ASIC2: variants seen among roughly 807,000 people sequenced by gnomAD.
ASIC2 encodes acid sensing ion channel subunit 2.
ASIC2 carries 25 observed loss-of-function variants against 57.3 expected under a neutral mutation model. That is an observed-to-expected ratio of 0.44 (90% CI 0.32 to 0.61). The LOEUF is 0.61. ASIC2 is among the 20% of genes least tolerant of loss of function. ASIC2 has a pLI of 0.06. For synonymous variants in ASIC2, 319 were observed against 307.5 expected, an observed-to-expected ratio of 1.04 and a Z score of -0.39; for missense variants, 641 against 738.1, an observed-to-expected ratio of 0.87 and a Z score of 1.52.
intron 1 of ASIC2, among the ~76,000 whole-genome samples, chr17:34,089,821 G>T (rs1291842144): frequency 6.6e-6 from 1 of 152,154 alleles, no homozygotes; most frequent in African/African-American, 2.4e-5. Context: ...AACAGCTCCA[G>T]GGCGATGGTC....
intron 1 of ASIC2, among the ~76,000 whole-genome samples, chr17:33,275,450 C>T (rs1402583169): frequency 1.3e-5 from 2 of 152,230 alleles, no homozygotes; most frequent in East Asian, 3.8e-4. Context: ...AAAACGCCTA[C>T]AGGTATCAAT....
chr17:33,265,212 C>T (rs1909417624), intron 1 of ASIC2, among the ~76,000 whole-genome samples: 1 of 152,152 alleles, frequency 6.6e-6, no homozygotes, highest in Non-Finnish European at 1.5e-5. Flanking sequence ...ACCTTATCTG[C>T]CTCAAGATTT....
chr17:33,429,014 C>A (rs1024266887), intron 1 of ASIC2, among the ~76,000 whole-genome samples: 3 of 152,096 alleles, frequency 2.0e-5, no homozygotes, highest in Non-Finnish European at 4.4e-5. Context: ...GAAAGGGAGT[C>A]CTAGCAGATG....
chr17:33,491,669 G>C (rs922341921), intron 1 of ASIC2, among the ~76,000 whole-genome samples: 7 of 152,188 alleles, frequency 4.6e-5, no homozygotes, highest in Non-Finnish European at 1.0e-4. Context: ...CCCTGTGTTA[G>C]AAGCTGTTGG....
intron 1 of ASIC2, among the ~76,000 whole-genome samples, chr17:33,187,108 G>A (rs955740368): frequency 2.0e-5 from 3 of 152,126 alleles, no homozygotes; most frequent in East Asian, 1.9e-4. Context: ...GAATCCCGGC[G>A]AAACCATTAC....
At chr17:33,119,019 C>T (rs1285623368) in intron 1 of ASIC2, among the ~76,000 whole-genome samples, 2 of 152,058 alleles carry the variant, frequency 1.3e-5, no homozygotes, top group South Asian at 2.1e-4. Context: ...CATGAAGACA[C>T]GGTTTTCTGG....
At chr17:33,115,578 G>T (rs928226710) in intron 1 of ASIC2, among the ~76,000 whole-genome samples, 2 of 152,160 alleles carry the variant, frequency 1.3e-5, no homozygotes, top group Admixed American at 1.3e-4. Flanking sequence ...AGAATGTTCT[G>T]GCGCGCTTTG....
chr17:33,548,624 C>A (rs1465827841), intron 1 of ASIC2, among the ~76,000 whole-genome samples: 1 of 152,144 alleles, frequency 6.6e-6, no homozygotes, highest in Admixed American at 6.5e-5. Context: ...TGGGTAATTA[C>A]CATGCTTAAA....
chr17:33,841,986 G>A (rs370769534), intron 1 of ASIC2, among the ~76,000 whole-genome samples: 23 of 152,024 alleles, frequency 1.5e-4, no homozygotes, highest in African/African-American at 5.1e-4. Flanking sequence ...CCTTATGTAC[G>A]GTCCAGTGGC....
chr17:33,584,550 G>A lies in ASIC2; in HGVS notation c.556-472483C>T, dbSNP rs151328800. On this transcript the variant is annotated intron_variant, in intron 1 of 9. Coordinates refer to the ASIC2 transcript ENST00000359872. Reference sequence around the variant, plus strand: ...GCCCTGTCACCTCCATCAGGTTCAGGGGAGGGAGGTGGCATGTGACTTGGC... The same window carrying A: ...GCCCTGTCACCTCCATCAGGTTCAGAGGAGGGAGGTGGCATGTGACTTGGC... 4.0e-4 allele frequency among the ~76,000 whole-genome samples: 61 copies of A among 152,252 alleles called. 1 individual carries two copies. The highest frequency in any genetic ancestry group is 1.3e-3 in the African/African-American group (53 of 41,554).
chr17:33,137,182 C>T (rs777236732), intron 1 of ASIC2, among the ~76,000 whole-genome samples: 1 of 152,202 alleles, frequency 6.6e-6, no homozygotes, highest in Non-Finnish European at 1.5e-5. Context: ...AGTATTGTCC[C>T]CAAAATACTA....
upstream of ASIC2, among the ~76,000 whole-genome samples, chr17:33,297,822 CAAAA>C (rs1434907199): frequency 4.7e-5 from 5 of 107,026 alleles, no homozygotes; most frequent in Admixed American, 2.2e-4. Flanking sequence ...GACCCTGTCT[CAAAA>C]TAAATAAATA....
At chr17:33,372,458 G>T (rs1297651724) in intron 1 of ASIC2, among the ~76,000 whole-genome samples, 2 of 152,176 alleles carry the variant, frequency 1.3e-5, no homozygotes, top group African/African-American at 4.8e-5. Flanking sequence ...GTAAGAAAGG[G>T]TTTAGGGGCA....
chr17:33,704,553 C>T (rs541587481), intron 1 of ASIC2, among the ~76,000 whole-genome samples: 1 of 152,316 alleles, frequency 6.6e-6, no homozygotes, highest in South Asian at 2.1e-4. Context: ...CAATAAATTA[C>T]TCTATGTCGC....
At chr17:34,128,786 T>C (rs1911863862) in intron 1 of ASIC2, among the ~76,000 whole-genome samples, 1 of 152,146 alleles carries the variant, frequency 6.6e-6, no homozygotes, top group Non-Finnish European at 1.5e-5. Context: ...GGAGGAAGAA[T>C]GAGGTTGTGT....
intron 1 of ASIC2, among the ~76,000 whole-genome samples, chr17:33,558,924 C>T (rs1285500238): frequency 5.3e-5 from 8 of 152,222 alleles, no homozygotes; most frequent in South Asian, 2.1e-4. Flanking sequence ...TGCACCACCA[C>T]GCCCGATTAA....
At chr17:33,627,802 C>T (rs533889182) in intron 1 of ASIC2, among the ~76,000 whole-genome samples, 9 of 152,274 alleles carry the variant, frequency 5.9e-5, no homozygotes, top group Admixed American at 3.3e-4. Context: ...CAGCCTCAGC[C>T]GCTGAGCTGG....
intron 1 of ASIC2, among the ~76,000 whole-genome samples, chr17:33,722,345 T>A (rs999360447): frequency 1.3e-5 from 2 of 152,242 alleles, no homozygotes; most frequent in Non-Finnish European, 2.9e-5. Context: ...ACCTCTTTCC[T>A]TTATAAATTA....
chr17:33,601,831 A>G (rs773644619), intron 1 of ASIC2, among the ~76,000 whole-genome samples: 3 of 152,228 alleles, frequency 2.0e-5, no homozygotes, highest in Non-Finnish European at 2.9e-5. Flanking sequence ...TGTGCCCGGG[A>G]TGCAGGACAT....
Sources: gnomAD v4.1 joint callset for allele counts (sites outside exome capture counted in the v4.1 genomes callset) on GRCh38, gnomAD v4.1.1 for gene constraint, MANE v1.5 for transcripts, NCBI Gene and HGNC (gene_info 2026-07-23, HGNC 2026-07-21) for gene names.